ADGRG1: variants seen among roughly 807,000 people sequenced by gnomAD.
The protein encoded by ADGRG1 is adhesion G protein-coupled receptor G1, also known as 7-transmembrane protein with no EGF-like N-terminal domains-1.
A neutral mutation model predicts 73.5 loss-of-function variants in ADGRG1; 53 were observed. The ratio of observed to expected loss-of-function variants is 0.72; its 90% CI spans 0.58 to 0.91. The LOEUF (loss-of-function observed/expected upper bound fraction) is 0.91. Ranked by LOEUF, ADGRG1 falls within the 40% of genes least tolerant of loss-of-function variation. The pLI is 0.00. For missense variants in ADGRG1, 795 were observed against 871.8 expected (o/e 0.91, Z 1.11); for synonymous variants, 394 against 374.4 (o/e 1.05, Z -0.60).
chr16:57,650,272 A>C lies in ADGRG1; in HGVS notation c.-16A>C, dbSNP rs771157475. ...TTCCAGGTGGTGACTTCCAAGAGTG[A>C]CTCCGTCGGAGGAAAATGACTCCCC... On this transcript the variant is annotated 5_prime_UTR_variant, in exon 2 of 14. Coordinates refer to ENST00000562631, the MANE Select transcript of ADGRG1 (RefSeq NM_201525.4). 8 of 1,611,586 alleles carry C rather than the reference A, an allele frequency of 5.0e-6. No individual in the cohort carries two copies. The highest frequency in any genetic ancestry group is 6.8e-6 in the Non-Finnish European group (8 of 1,177,988).
chr16:57,646,789 C>T, intron 1 of ADGRG1: 2 of 852,898 alleles, frequency 2.3e-6, no homozygotes, highest in Non-Finnish European at 2.8e-6. Context: ...AGCAGTGAGA[C>T]CCGTATCACA....
At chr16:57,660,111 T>A in intron 11 of ADGRG1, 1 of 272,370 alleles carries the variant, frequency 3.7e-6, no homozygotes. Flanking sequence ...ATTTTGTTCT[T>A]GGCCAATGAC....
At chr16:57,634,159 C>T (rs1049252860) in intron 1 of ADGRG1, 1 of 985,394 alleles carries the variant, frequency 1.0e-6, no homozygotes, top group Non-Finnish European at 1.2e-6. Context: ...CACCCTAGGC[C>T]CCTGGGAGCT....
At chr16:57,630,338 G>A (rs2037435504) in intron 1 of ADGRG1, 2 of 984,094 alleles carry the variant, frequency 2.0e-6, no homozygotes, top group Non-Finnish European at 2.4e-6. Flanking sequence ...ATGTCCAGGT[G>A]TGGAATGAGC....
chr16:57,635,877 G>A (rs2039230398), intron 1 of ADGRG1: 1 of 985,178 alleles, frequency 1.0e-6, no homozygotes, highest in Non-Finnish European at 1.2e-6. Flanking sequence ...GGGAATGATA[G>A]TACCTCCTCA....
At chr16:57,636,124 C>A in intron 1 of ADGRG1, 1 of 985,356 alleles carries the variant, frequency 1.0e-6, no homozygotes, top group Non-Finnish European at 1.2e-6. Flanking sequence ...TTGGGGTCTG[C>A]AGCAATGGGA....
upstream of ADGRG1, chr16:57,624,615 C>T (rs1490933110): frequency 2.3e-6 from 1 of 443,478 alleles, no homozygotes. Flanking sequence ...TGCTGCTGCT[C>T]TGGCCAGAGG....
upstream of ADGRG1, chr16:57,626,719 T>TG (rs34085491): frequency 0.042 from 40,896 of 984,720 alleles, 793 homozygotes; most frequent in African/African-American, 0.051. Flanking sequence ...GGGGTGTGTG[T>TG]GTGGTGGTGG....
chr16:57,634,505 T>C, intron 1 of ADGRG1: 1 of 976,662 alleles, frequency 1.0e-6, no homozygotes. Flanking sequence ...TCTTGAGTGC[T>C]GCTGGCCCTC....
chr16:57,627,914 G>C (rs2036171039), upstream of ADGRG1: 2 of 967,724 alleles, frequency 2.1e-6, no homozygotes, highest in East Asian at 1.1e-4. Context: ...ACTGGGAATG[G>C]CTCTTCACCC....
chr16:57,652,912 C>T (rs971246376), intron 3 of ADGRG1: 239 of 1,275,622 alleles, frequency 1.9e-4, no homozygotes, highest in Middle Eastern at 9.7e-4. Context: ...GCCCTCTCTG[C>T]TCCGTGTGTG....
In ADGRG1 at chr16:57,654,016, C is replaced by T. The variant is rs747645848; in HGVS notation, c.651C>T (p.Thr217=). 5 of 1,613,998 alleles carry T rather than the reference C, an allele frequency of 3.1e-6. No homozygotes were observed. The African/African-American group carries it at 6.7e-5, about 22-fold the overall frequency. Residue 217 remains threonine, a synonymous_variant, in exon 5 of 14, where the codon ACC becomes ACT. Transcript: ENST00000562631. ...QQLQSLESKL[T]SVRFMGDMVS... ...TGCAGAGCCTGGAGTCGAAACTGACCTCTGTGAGATTCATGGGGGACATGG... is the reference window on the plus strand; with the variant it reads ...TGCAGAGCCTGGAGTCGAAACTGACTTCTGTGAGATTCATGGGGGACATGG...
intron 1 of ADGRG1, chr16:57,630,498 T>C: frequency 1.0e-6 from 1 of 985,606 alleles, no homozygotes; most frequent in Non-Finnish European, 1.2e-6. Flanking sequence ...TGATCACAGC[T>C]GCCCTGGCTC....
chr16:57,631,212 C>T, intron 1 of ADGRG1: 1 of 987,142 alleles, frequency 1.0e-6, no homozygotes, highest in Non-Finnish European at 1.2e-6. Flanking sequence ...GGCAGAGCTG[C>T]AGCAGGGTTG....
intron 5 of ADGRG1, among the ~76,000 whole-genome samples, chr16:57,654,380 A>G (rs930731349): frequency 6.7e-6 from 1 of 150,264 alleles, no homozygotes; most frequent in Non-Finnish European, 1.5e-5. Context: ...GTGTGAACAG[A>G]AGACCAGCCC....
chr16:57,639,468 G>C (rs1158838674), intron 1 of ADGRG1: 2 of 985,304 alleles, frequency 2.0e-6, no homozygotes, highest in East Asian at 1.1e-4. Flanking sequence ...CTATTCCCTG[G>C]CTGTCCCCTT....
chr16:57,640,267 A>G (rs1231738121), intron 1 of ADGRG1: 1 of 152,234 alleles, frequency 6.6e-6, no homozygotes, highest in Admixed American at 6.5e-5. Flanking sequence ...TCTAAGAGTC[A>G]GGTAAGTTCA....
intron 1 of ADGRG1, chr16:57,636,793 G>A (rs192514604): frequency 2.7e-6 from 2 of 738,250 alleles, no homozygotes; most frequent in Non-Finnish European, 3.3e-6. Flanking sequence ...AGATGCAGGT[G>A]GTGAGCAAGA....
intron 1 of ADGRG1, chr16:57,630,517 CT>C (rs768849165): frequency 3.2e-4 from 315 of 985,634 alleles, no homozygotes; most frequent in Non-Finnish European, 3.6e-4. Flanking sequence ...TCCCGTAGGC[CT>C]GGGGCTTGGC....
Sources: allele counts gnomAD v4.1 joint callset (sites outside exome capture counted in the v4.1 genomes callset), GRCh38; gene constraint gnomAD v4.1.1; transcripts MANE v1.5; gene names NCBI Gene and HGNC (gene_info 2026-07-23, HGNC 2026-07-21).